Variants in UNC45B observed in about 807,000 individuals in gnomAD.
UNC45B encodes the protein protein unc-45 homolog B.
A neutral mutation model predicts 98.7 loss-of-function variants in UNC45B; 78 were observed. That is an observed-to-expected ratio of 0.79 (90% CI 0.66 to 0.95). The LOEUF (loss-of-function observed/expected upper bound fraction) is 0.95. Ranked by LOEUF, UNC45B falls within the 40% of genes least tolerant of loss-of-function variation. The pLI is 0.00. For synonymous variants in UNC45B, 462 were observed against 480.4 expected, an observed-to-expected ratio of 0.96 and a Z score of 0.50; for missense variants, 1,225 against 1,184.9, an observed-to-expected ratio of 1.03 and a Z score of -0.50.
At chr17:35,163,457 A>ACAT (rs1223713395) in intron 8 of UNC45B, among the ~76,000 whole-genome samples, 2 of 152,178 alleles carry the variant, frequency 1.3e-5, no homozygotes, top group South Asian at 2.1e-4. Context: ...AGATGAGAAG[A>ACAT]CATCATCATC....
At chr17:35,158,959 G>T (rs1405999168) in intron 7 of UNC45B, among the ~76,000 whole-genome samples, 1 of 152,160 alleles carries the variant, frequency 6.6e-6, no homozygotes, top group Non-Finnish European at 1.5e-5. Context: ...TTGAATTCAG[G>T]CTCCCAGCAT....
intron 8 of UNC45B, among the ~76,000 whole-genome samples, chr17:35,160,927 G>A (rs960361205): frequency 1.3e-5 from 2 of 152,212 alleles, no homozygotes; most frequent in Non-Finnish European, 2.9e-5. Context: ...AAAAGATTCA[G>A]ATCAGCTCTT....
chr17:35,151,289 A>G (rs527249283), intron 4 of UNC45B: 2 of 196,706 alleles, frequency 1.0e-5, no homozygotes, highest in South Asian at 1.2e-4. Context: ...GCCCCACACG[A>G]GCGGCGCCGG....
rs2092122297 is a variant in UNC45B at position 35,164,144 on chromosome 17, A to C, written c.1129A>C (p.Lys377Gln). 1 of 1,612,762 alleles carries C rather than the reference A, an allele frequency of 6.2e-7. No individual in the cohort carries two copies. The highest frequency in any genetic ancestry group is 1.7e-5 in the Admixed American group (1 of 59,846). ...RCDPERDHFR[K>Q]ICEEYITGKF... ...TGACCCGGAGCGCGATCACTTCCGC[A>C]AGATCTGTGAGGAATATATCACGTA... Residue 377 changes from lysine (K) to glutamine (Q), a missense_variant, in exon 9 of 20, where the codon AAG becomes CAG. Lys to Gln is a moderately conservative substitution (Grantham distance 53). Coordinates refer to ENST00000394570, the MANE Select transcript of UNC45B (RefSeq NM_001267052.2).
intron 8 of UNC45B, among the ~76,000 whole-genome samples, chr17:35,161,914 A>G (rs986807743): frequency 1.3e-5 from 2 of 152,166 alleles, no homozygotes; most frequent in African/African-American, 4.8e-5. Context: ...CTCTATTTAA[A>G]AAAAATCCCT....
At chr17:35,150,376 G>T (rs1366341942) in intron 4 of UNC45B, among the ~76,000 whole-genome samples, 153 bp downstream of exon 4, 1 of 152,234 alleles carries the variant, frequency 6.6e-6, no homozygotes, top group Non-Finnish European at 1.5e-5. Flanking sequence ...AGGCTGCACA[G>T]AACAGCTAAG....
chr17:35,176,076 G>A, intron 15 of UNC45B, 42 bp downstream of exon 15: 3 of 1,594,400 alleles, frequency 1.9e-6, no homozygotes, highest in Non-Finnish European at 2.6e-6. Context: ...CTTTGTGCAT[G>A]CTCTTTGCCT....
intron 8 of UNC45B, among the ~76,000 whole-genome samples, chr17:35,162,966 A>G (rs1186253812): frequency 2.6e-5 from 4 of 152,206 alleles, no homozygotes; most frequent in Non-Finnish European, 1.5e-5. Context: ...CAGAGGCAAC[A>G]TAGTATAACA....
chr17:35,172,325 A>G (rs769105948), intron 13 of UNC45B, among the ~76,000 whole-genome samples: 17 of 149,926 alleles, frequency 1.1e-4, no homozygotes, highest in Non-Finnish European at 1.5e-4. Flanking sequence ...TCTCGGCTCA[A>G]TGCAACCTCT....
At chr17:35,159,573 GC>G in intron 8 of UNC45B, 28 bp downstream of exon 8, 1 of 1,602,222 alleles carries the variant, frequency 6.2e-7, no homozygotes, top group Non-Finnish European at 8.5e-7. Flanking sequence ...TTTGGGGCTT[GC>G]TCAAGCCTTT....
intron 7 of UNC45B, among the ~76,000 whole-genome samples, chr17:35,158,605 T>A (rs993232750): frequency 7.9e-5 from 12 of 152,196 alleles, no homozygotes; most frequent in Non-Finnish European, 1.5e-4. Context: ...TGATTTCCAC[T>A]CTATCCCCTT....
chr17:35,173,272 C>T (rs1414869209), intron 13 of UNC45B, among the ~76,000 whole-genome samples: 3 of 152,010 alleles, frequency 2.0e-5, no homozygotes, highest in South Asian at 2.1e-4. Context: ...ATTATAGACA[C>T]GCTCCACCAT....
chr17:35,149,029 A>C lies in UNC45B; in HGVS notation c.205+20A>C. ...CCAGAGGTGAGCCCCTCCCACCTCCAAGCTTGCCCTGTCACATTCTCCTCT... is the reference window on the plus strand; with the variant it reads ...CCAGAGGTGAGCCCCTCCCACCTCCCAGCTTGCCCTGTCACATTCTCCTCT... On this transcript the variant is annotated intron_variant, in intron 3 of 19. Transcript: ENST00000394570. 1 of 1,614,070 alleles carries C rather than the reference A, an allele frequency of 6.2e-7. No homozygotes were observed. The highest frequency in any genetic ancestry group is 1.1e-5 in the South Asian group (1 of 91,070).
intron 1 of UNC45B, 144 bp downstream of exon 1, chr17:35,148,054 C>G (rs1355983232): frequency 8.7e-6 from 5 of 577,506 alleles, no homozygotes; most frequent in Non-Finnish European, 1.5e-5. Context: ...GGCACAGGGA[C>G]TCTCAACTTG....
intron 9 of UNC45B, among the ~76,000 whole-genome samples, chr17:35,166,480 T>A (rs558822016): frequency 2.6e-5 from 4 of 152,224 alleles, no homozygotes; most frequent in East Asian, 3.9e-4. Context: ...TCCAGCTAGT[T>A]CTTGTTTGGG....
intron 7 of UNC45B, among the ~76,000 whole-genome samples, chr17:35,158,940 G>A (rs990943053): frequency 6.6e-6 from 1 of 152,202 alleles, no homozygotes; most frequent in African/African-American, 2.4e-5. Context: ...CGGCGTCACA[G>A]GCAAAAGCTT....
chr17:35,175,859 C>G, intron 14 of UNC45B, 109 bp from the exon 15 acceptor site: 1 of 1,007,828 alleles, frequency 9.9e-7, no homozygotes, highest in Non-Finnish European at 1.5e-6. Flanking sequence ...CCATAGTCTC[C>G]CTTTTCATCC....
At chr17:35,165,223 G>A (rs1017626613) in intron 9 of UNC45B, among the ~76,000 whole-genome samples, 4 of 152,098 alleles carry the variant, frequency 2.6e-5, no homozygotes, top group Admixed American at 2.6e-4. Context: ...ATGTCAGCTT[G>A]TCAAGGAGGG....
At chr17:35,180,289 A>AGAGAGAGAGAGAGAGAGAG (rs57021893) in intron 17 of UNC45B, among the ~76,000 whole-genome samples, 13 of 147,174 alleles carry the variant, frequency 8.8e-5, no homozygotes, top group East Asian at 8.0e-4. Flanking sequence ...AGAGAGAGAG[A>AGAGAGAGAGAGAGAGAGAG]ATTTCTTTAC....
Sources: allele counts gnomAD v4.1 joint callset (sites outside exome capture counted in the v4.1 genomes callset), GRCh38; gene constraint gnomAD v4.1.1; transcripts MANE v1.5; gene names NCBI Gene and HGNC (gene_info 2026-07-23, HGNC 2026-07-21).